The following ZNF549 variants were observed in gnomAD, a reference collection of about 807,000 sequenced individuals.
ZNF549 encodes zinc finger protein 549.
In ZNF549, 11 loss-of-function variants were observed where a neutral mutation model predicts 11.1. That is an observed-to-expected ratio of 0.99 (90% CI 0.62 to 1.64). The LOEUF (loss-of-function observed/expected upper bound fraction) is 1.64, where lower values mean the gene tolerates loss of function less well. Among genes scored for constraint, ZNF549 ranks in the 40% most tolerant of loss-of-function variants. The pLI, the probability that ZNF549 is intolerant of heterozygous loss-of-function variation, is 0.00. For missense variants in ZNF549, 748 were observed against 765.1 expected, an observed-to-expected ratio of 0.98 and a Z score of 0.26; for synonymous variants, 266 against 269.1, an observed-to-expected ratio of 0.99 and a Z score of 0.11.
At chr19:57,531,754 T>C (rs1488057506) in intron 2 of ZNF549, among the ~76,000 whole-genome samples, 2 of 152,234 alleles carry the variant, frequency 1.3e-5, no homozygotes, top group Non-Finnish European at 2.9e-5. Context: ...CATGGATCTA[T>C]TGGACAAACG....
Position 57,540,194 on chromosome 19 carries a change from C to T in ZNF549, c.*1267C>T, listed in dbSNP as rs1337978589. ...AGTTAGGAATTATCTTTATTACTTC[C>T]CGTTTATTGCCACTGCTGAGAAGGC... is the stretch of plus-strand genomic sequence containing the variant. On this transcript the variant is annotated 3_prime_UTR_variant, in exon 4 of 4. Transcript: ENST00000376233. 1 of 152,180 alleles carries T rather than the reference C, an allele frequency of 6.6e-6. No homozygotes were observed. Among genetic ancestry groups the T allele is most frequent in the African/African-American group, 2.4e-5 (1 of 41,440 alleles). 9.4% of individuals were successfully genotyped at this position (152,180 alleles called of 1,614,324 possible).
chr19:57,536,801 A>C (rs1328114294), intron 3 of ZNF549, among the ~76,000 whole-genome samples: 1 of 152,038 alleles, frequency 6.6e-6, no homozygotes, highest in Non-Finnish European at 1.5e-5. Context: ...CTGAAAACAA[A>C]CCCATGGCCT....
At chr19:57,530,282 G>A (rs1342122228) in intron 1 of ZNF549, among the ~76,000 whole-genome samples, 1 of 152,196 alleles carries the variant, frequency 6.6e-6, no homozygotes, top group Admixed American at 6.5e-5. Flanking sequence ...ATGAGTTCTA[G>A]AAGCTTCAAG....
In ZNF549 at chr19:57,539,935, G is replaced by C. The variant is rs145674946; in HGVS notation, c.*1008G>C. 5 of 152,248 alleles carry C rather than the reference G, an allele frequency of 3.3e-5. No individual in the cohort carries two copies. Among genetic ancestry groups the C allele is most frequent in the African/African-American group, 1.2e-4 (5 of 41,466 alleles). 9.4% of individuals were successfully genotyped at this position (152,248 alleles called of 1,614,324 possible). Reference sequence around the variant, plus strand: ...CAAAGGTGCATCCAGATATGTCTGTGTTACTATGGCTTCATGGTTTGGGGG... The same window carrying C: ...CAAAGGTGCATCCAGATATGTCTGTCTTACTATGGCTTCATGGTTTGGGGG... On this transcript the variant is annotated 3_prime_UTR_variant, in exon 4 of 4. Transcript: ENST00000376233.
At chr19:57,533,076 C>T (rs1302924875) in intron 2 of ZNF549, among the ~76,000 whole-genome samples, 1 of 152,160 alleles carries the variant, frequency 6.6e-6, no homozygotes, top group East Asian at 1.9e-4. Context: ...AACTCCTGAC[C>T]TCAGGTGATC....
rs2089941863 is a variant in ZNF549 at position 57,538,880 on chromosome 19, T to C, written c.1876T>C (p.Tyr626His). The C allele has an allele frequency of 1.2e-6, 2 of 1,609,792 alleles. No homozygotes were observed. Among genetic ancestry groups the C allele is most frequent in the African/African-American group, 2.7e-5 (2 of 75,060 alleles). ...GKCGKAFNKR[Y>H]SLVRHQKVHI... ...ATGTGGGAAAGCCTTCAACAAAAGA[T>C]ATTCCCTTGTCAGGCACCAGAAGGT... Residue 626 changes from tyrosine to histidine, a missense_variant, in exon 4 of 4, where the codon TAT (tyrosine) becomes CAT (histidine). Tyr to His is a moderately conservative substitution (Grantham distance 83). Coordinates refer to ENST00000376233, the MANE Select transcript of ZNF549 (RefSeq NM_001199295.2).
chr19:57,538,226 C>T lies in ZNF549; in HGVS notation c.1222C>T (p.His408Tyr), dbSNP rs747885613. The T allele has an allele frequency of 1.2e-6, 2 of 1,613,952 alleles. No individual in the cohort carries two copies. The highest frequency in any genetic ancestry group is 1.7e-6 in the Non-Finnish European group (2 of 1,180,008). Residue 408 changes from histidine to tyrosine, a missense_variant, in exon 4 of 4, where the codon CAT becomes TAT. Coordinates refer to ENST00000376233, the MANE Select transcript of ZNF549 (RefSeq NM_001199295.2). ...FIYKQSLLDH[H>Y]RIHTGERPYE... ...ATACAAACAGTCACTTCTTGATCACCATAGAATCCACACGGGAGAAAGGCC... is the reference window on the plus strand; with the variant it reads ...ATACAAACAGTCACTTCTTGATCACTATAGAATCCACACGGGAGAAAGGCC...
chr19:57,532,375 A>G (rs578049769), intron 2 of ZNF549, among the ~76,000 whole-genome samples: 3 of 152,210 alleles, frequency 2.0e-5, no homozygotes, highest in Non-Finnish European at 2.9e-5. Context: ...CAAACCATGC[A>G]TGGAGCCATA....
intron 2 of ZNF549, among the ~76,000 whole-genome samples, chr19:57,532,940 G>C (rs889992616): frequency 6.6e-6 from 1 of 152,176 alleles, no homozygotes; most frequent in Non-Finnish European, 1.5e-5. Flanking sequence ...AAGGATTCTT[G>C]TATCTTTTTG....
intron 1 of ZNF549, among the ~76,000 whole-genome samples, chr19:57,528,739 G>A (rs1444864014): frequency 6.6e-6 from 1 of 152,194 alleles, no homozygotes; most frequent in Non-Finnish European, 1.5e-5. Context: ...GACTAGCAGA[G>A]AAGCCCAAGC....
Position 57,538,755 on chromosome 19 carries a change from C to A in ZNF549, c.1751C>A (p.Pro584His). The A allele has an allele frequency of 1.2e-6, 2 of 1,614,202 alleles. No individual in the cohort carries two copies. The highest frequency in any genetic ancestry group is 1.7e-6 in the Non-Finnish European group (2 of 1,180,034). The change falls in exon 4 of 4, where the codon CCT becomes CAT. Residue 584 changes from proline to histidine, a missense_variant. Physicochemically the swap from Pro to His is moderately conservative, Grantham distance 77 (BLOSUM62 -2). Coordinates refer to ENST00000376233, the MANE Select transcript of ZNF549 (RefSeq NM_001199295.2). ...QHQKVHSGER[P>H]YNCTACEKAF... is the part of the protein sequence containing the mutation. ...CAGAAAGTTCACAGTGGAGAGAGGC[C>A]TTATAACTGCACTGCATGTGAGAAG...
intron 1 of ZNF549, among the ~76,000 whole-genome samples, chr19:57,530,827 TTTACAGAAATC>T (rs1457998150): frequency 6.6e-6 from 1 of 151,868 alleles, no homozygotes; most frequent in Non-Finnish European, 1.5e-5. Flanking sequence ...TTAAAAAATG[TTTACAGAAATC>T]TTAATGCAAT....
intron 3 of ZNF549, among the ~76,000 whole-genome samples, chr19:57,536,915 C>T (rs2089927039): frequency 6.6e-6 from 1 of 152,036 alleles, no homozygotes; most frequent in Non-Finnish European, 1.5e-5. Context: ...CATAATGAGA[C>T]CTGTATCTCC....
At chr19:57,532,571 TG>T (rs2089908449) in intron 2 of ZNF549, among the ~76,000 whole-genome samples, 1 of 151,902 alleles carries the variant, frequency 6.6e-6, no homozygotes, top group Non-Finnish European at 1.5e-5. Flanking sequence ...GTCACCGGGG[TG>T]GGTTGCTCAT....
At chr19:57,533,134 A>G (rs2089910836) in intron 2 of ZNF549, among the ~76,000 whole-genome samples, 2 of 152,142 alleles carry the variant, frequency 1.3e-5, no homozygotes, top group South Asian at 2.1e-4. Context: ...CTTGATAGCT[A>G]CACATGATGA....
In ZNF549 at chr19:57,527,741, C is replaced by A. The variant is rs946925552; in HGVS notation, c.33+135C>A. The stretch of plus-strand genomic sequence containing the variant: ...GGGTGGGGTCCTCAGAGCTGACGGG[C>A]GGTGAGGTGAAGAAGGGAGAGCGTT... On this transcript the variant is annotated intron_variant, in intron 1 of 3. Transcript: ENST00000376233. 5 of 1,109,738 alleles carry A rather than the reference C, an allele frequency of 4.5e-6. No individual in the cohort carries two copies. The Admixed American group carries it at 9.4e-5, about 21-fold the overall frequency. The allele number at this position is 1,109,738 out of a possible 1,614,324, so 68.7% of individuals were successfully genotyped here.
intron 3 of ZNF549, 150 bp from the exon 4 acceptor site, chr19:57,537,054 A>G (rs978286540): frequency 1.6e-5 from 14 of 851,746 alleles, no homozygotes; most frequent in African/African-American, 1.2e-4. Context: ...TATGACTGCA[A>G]CTGCACTCCC....
intron 2 of ZNF549, among the ~76,000 whole-genome samples, chr19:57,534,471 G>C (rs1028130002): frequency 6.6e-6 from 1 of 152,164 alleles, no homozygotes; most frequent in African/African-American, 2.4e-5. Flanking sequence ...GACTGGGAGA[G>C]TCATTCAGCC....
At chr19:57,535,998 A>G (rs1411725210) in intron 3 of ZNF549, among the ~76,000 whole-genome samples, 1 of 152,118 alleles carries the variant, frequency 6.6e-6, no homozygotes, top group East Asian at 1.9e-4. Flanking sequence ...GTTCCCCACT[A>G]TTTTGGTGCC....
Sources: allele counts gnomAD v4.1 joint callset (sites outside exome capture counted in the v4.1 genomes callset), GRCh38; gene constraint gnomAD v4.1.1; transcripts MANE v1.5; gene names NCBI Gene and HGNC (gene_info 2026-07-23, HGNC 2026-07-21).